The following FAM78B variants were observed in gnomAD, a reference collection of about 807,000 sequenced individuals.
The protein encoded by FAM78B is protein FAM78B.
FAM78B carries 10 observed loss-of-function variants against 20.0 expected under a neutral mutation model. The ratio of observed to expected loss-of-function variants is 0.50; its 90% CI spans 0.31 to 0.85. FAM78B has a LOEUF of 0.85. Among genes scored for constraint, FAM78B ranks in the 40% least tolerant of loss-of-function variants. FAM78B has a pLI of 0.05. For synonymous variants in FAM78B, 135 were observed against 132.8 expected, an observed-to-expected ratio of 1.02 and a Z score of -0.12; for missense variants, 283 against 345.0, an observed-to-expected ratio of 0.82 and a Z score of 1.42.
chr1:166,078,927 GTTT>G (rs11345450), intron 1 of FAM78B, among the ~76,000 whole-genome samples: 12 of 135,350 alleles, frequency 8.9e-5, no homozygotes, highest in African/African-American at 1.4e-4. Context: ...GGCCTTACAT[GTTT>G]TTTTTTTTTT....
intron 1 of FAM78B, among the ~76,000 whole-genome samples, chr1:166,085,320 C>G (rs1331539308): frequency 6.6e-6 from 1 of 152,146 alleles, no homozygotes; most frequent in Admixed American, 6.5e-5. Flanking sequence ...CCCTGGGCAG[C>G]TCAGGGGAAG....
chr1:166,094,438 T>G (rs1019051000), intron 1 of FAM78B, among the ~76,000 whole-genome samples: 3 of 152,222 alleles, frequency 2.0e-5, no homozygotes, highest in Non-Finnish European at 4.4e-5. Flanking sequence ...TGCTGACACC[T>G]GCTCTTTGAC....
rs140491045 is a variant in FAM78B at position 166,116,227 on chromosome 1, T to C, written c.264-45464A>G. Reference sequence around the variant, plus strand: ...GTTTAACTGGGATTGCTCAGACATGTGTGCAGACTCCTGTTGGCTTCTGGG... The same window carrying C: ...GTTTAACTGGGATTGCTCAGACATGCGTGCAGACTCCTGTTGGCTTCTGGG... On this transcript the variant is annotated intron_variant, in intron 1 of 1. Transcript: ENST00000354422. Among the ~76,000 whole-genome samples the C allele has an allele frequency of 3.1e-3, 478 of 152,318 alleles. 3 individuals carry two copies. The highest frequency in any genetic ancestry group is 0.011 in the African/African-American group (452 of 41,564).
chr1:166,080,299 G>A (rs959018894), intron 1 of FAM78B, among the ~76,000 whole-genome samples: 3 of 152,000 alleles, frequency 2.0e-5, no homozygotes, highest in Non-Finnish European at 4.4e-5. Context: ...CTCCCTCCCC[G>A]TAATGCCTTC....
At chr1:166,136,455 T>A (rs936625568) in intron 1 of FAM78B, among the ~76,000 whole-genome samples, 1 of 152,120 alleles carries the variant, frequency 6.6e-6, no homozygotes, top group African/African-American at 2.4e-5. Context: ...AGAGCAGCCA[T>A]CTCCAGATGC....
intron 1 of FAM78B, chr1:166,154,720 C>G (rs905696551): frequency 1.9e-6 from 1 of 527,362 alleles, no homozygotes; most frequent in African/African-American, 1.9e-5. Flanking sequence ...CTGGGTGCCT[C>G]CAGCCCTGAC....
At chr1:166,081,631 C>T (rs1652582941) in intron 1 of FAM78B, among the ~76,000 whole-genome samples, 1 of 152,148 alleles carries the variant, frequency 6.6e-6, no homozygotes, top group African/African-American at 2.4e-5. Context: ...TTGTGCCAGG[C>T]CCAGTGGCAT....
chr1:166,097,059 A>C (rs1373591327), intron 1 of FAM78B, among the ~76,000 whole-genome samples: 1 of 152,226 alleles, frequency 6.6e-6, no homozygotes, highest in African/African-American at 2.4e-5. Context: ...CAACTGCAGA[A>C]GCAGGAAAGG....
At chr1:166,081,263 C>T (rs538361876) in intron 1 of FAM78B, 1 of 152,272 alleles carries the variant, frequency 6.6e-6, no homozygotes, top group East Asian at 1.9e-4. Context: ...GTGAGTTCTT[C>T]CAGCATTAGA....
intron 1 of FAM78B, among the ~76,000 whole-genome samples, chr1:166,080,489 C>T (rs1652520354): frequency 6.6e-6 from 1 of 152,190 alleles, no homozygotes; most frequent in African/African-American, 2.4e-5. Context: ...ACCTGAATGC[C>T]AGGCACTGTC....
intron 1 of FAM78B, among the ~76,000 whole-genome samples, chr1:166,087,871 C>G (rs1285103491): frequency 6.6e-6 from 1 of 152,186 alleles, no homozygotes; most frequent in African/African-American, 2.4e-5. Flanking sequence ...GACCTGGCTA[C>G]TAGCAGGCAT....
At chr1:166,095,276 GC>G (rs1653234333) in intron 1 of FAM78B, among the ~76,000 whole-genome samples, 1 of 152,068 alleles carries the variant, frequency 6.6e-6, no homozygotes, top group African/African-American at 2.4e-5. Flanking sequence ...CGATGCAGCA[GC>G]CCCGCAAGAG....
downstream of FAM78B, among the ~76,000 whole-genome samples, chr1:166,065,799 T>A (rs1005930486): frequency 6.6e-6 from 1 of 152,232 alleles, no homozygotes; most frequent in African/African-American, 2.4e-5. Flanking sequence ...AATATCTGTG[T>A]GCACAGAGCT....
chr1:166,147,328 G>A (rs796440887), intron 1 of FAM78B, among the ~76,000 whole-genome samples: 78 of 152,284 alleles, frequency 5.1e-4, no homozygotes, highest in Middle Eastern at 3.4e-3. Flanking sequence ...GGATGATAAC[G>A]CCTAAATGAG....
At chr1:166,132,922 G>A (rs75265638) in intron 1 of FAM78B, among the ~76,000 whole-genome samples, 1 of 152,270 alleles carries the variant, frequency 6.6e-6, no homozygotes, top group East Asian at 1.9e-4. Context: ...AATGATAAGG[G>A]CAGTTTGTAG....
At chr1:166,067,311 G>T (rs1651831808), downstream of FAM78B, among the ~76,000 whole-genome samples, 1 of 152,080 alleles carries the variant, frequency 6.6e-6, no homozygotes, top group Admixed American at 6.5e-5. Context: ...TGGACTAAAA[G>T]ATCTCAAAGG....
Position 166,075,164 on chromosome 1 carries a change from C to T in FAM78B, c.264-4401G>A, listed in dbSNP as rs557813501. On this transcript the variant is annotated intron_variant, in intron 1 of 1. Transcript: ENST00000354422. Reference sequence around the variant, plus strand: ...GACTTTTGCTCAGGAGAGTTAACTGCGAGGAAGAAGAGTAATGAAAAAAGT... The same window carrying T: ...GACTTTTGCTCAGGAGAGTTAACTGTGAGGAAGAAGAGTAATGAAAAAAGT... 1.1e-4 allele frequency among the ~76,000 whole-genome samples: 16 copies of T among 151,856 alleles called. No homozygotes were observed. The South Asian group carries it at 2.3e-3, about 22-fold the overall frequency.
chr1:166,146,635 T>C (rs191809010), intron 1 of FAM78B, among the ~76,000 whole-genome samples: 10 of 152,200 alleles, frequency 6.6e-5, no homozygotes, highest in East Asian at 1.9e-4. Flanking sequence ...AAAAGGAGGT[T>C]GGGAAGTTGC....
At chr1:166,132,517 A>C (rs188858086) in intron 1 of FAM78B, among the ~76,000 whole-genome samples, 1 of 152,322 alleles carries the variant, frequency 6.6e-6, no homozygotes, top group Admixed American at 6.5e-5. Context: ...GTGCAAAGTA[A>C]GTGGCTTGTG....
Sources: allele counts gnomAD v4.1 joint callset (sites outside exome capture counted in the v4.1 genomes callset), GRCh38; gene constraint gnomAD v4.1.1; transcripts MANE v1.5; gene names NCBI Gene and HGNC (gene_info 2026-07-23, HGNC 2026-07-21).